The following C14orf39 variants were observed in gnomAD, a reference collection of about 807,000 sequenced individuals.
C14orf39 encodes the protein protein SIX6OS1.
In C14orf39, 66 loss-of-function variants were observed where a neutral mutation model predicts 85.6. The observed-to-expected ratio is 0.77, with a 90% CI of 0.63 to 0.95. C14orf39 has a LOEUF of 0.95. C14orf39 is among the 40% of genes least tolerant of loss of function. The probability of loss-of-function intolerance (pLI) is 0.00; values close to 1 mark genes in which losing one functional copy is unlikely to be tolerated. For missense variants in C14orf39, 735 were observed against 663.9 expected (o/e 1.11, Z -1.18); for synonymous variants, 242 against 214.0 (o/e 1.13, Z -1.14).
chr14:60,457,506 C>A (rs965553067), intron 14 of C14orf39, among the ~76,000 whole-genome samples: 6 of 151,948 alleles, frequency 3.9e-5, no homozygotes, highest in Admixed American at 1.3e-4. Context: ...TGATTAATTA[C>A]ATTTTCACAC....
At position 60,469,532 on chromosome 14, in the gene C14orf39, C is replaced by A; in HGVS notation, c.675+1G>T. On this transcript the variant is annotated splice_donor_variant, in intron 8 of 17. Transcript: ENST00000321731. LOFTEE classifies it high-confidence loss of function. ...TTAGAAATATATAACAAAATATATA[C>A]CTGGTTTAAATAATTAATTTCTATT... 3.1e-6 allele frequency: 4 copies of A among 1,303,136 alleles called. No individual in the cohort carries two copies. In the South Asian group the frequency reaches 6.3e-5, roughly 20 times the overall value. The allele number at this position is 1,303,136 out of a possible 1,614,324, so 80.7% of individuals were successfully genotyped here.
At chr14:60,453,719 A>G (rs1891139849) in intron 16 of C14orf39, among the ~76,000 whole-genome samples, 1 of 151,676 alleles carries the variant, frequency 6.6e-6, no homozygotes, top group Admixed American at 6.6e-5. Context: ...GTTCTTGACC[A>G]CTTTCCCCCA....
intron 1 of C14orf39, chr14:60,512,420 T>C (rs1430363263): frequency 6.6e-6 from 1 of 152,188 alleles, no homozygotes; most frequent in Non-Finnish European, 1.5e-5. Context: ...CAAAAGATGA[T>C]AGAAGAGGTT....
At chr14:60,469,512 A>G in intron 8 of C14orf39, 21 bp downstream of exon 8, 1 of 1,124,054 alleles carries the variant, frequency 8.9e-7, no homozygotes, top group Non-Finnish European at 1.2e-6. Context: ...ACATATTAGA[A>G]ATATATAACA....
At chr14:60,466,174 A>G in intron 10 of C14orf39, 119 bp from the exon 11 acceptor site, 1 of 445,304 alleles carries the variant, frequency 2.2e-6, no homozygotes, top group Non-Finnish European at 3.9e-6. Context: ...TTTTAATTTA[A>G]ATTAAAATAC....
chr14:60,483,520 T>C lies in C14orf39; in HGVS notation c.233+171A>G, dbSNP rs111340686. On this transcript the variant is annotated intron_variant, in intron 4 of 17. Coordinates refer to ENST00000321731, the MANE Select transcript of C14orf39 (RefSeq NM_174978.3). ...GAGCTCTTATAGCTGTTTAGTTCTA[T>C]TTCTCTTCTGATCCTCCTATAATCC... Among the ~76,000 whole-genome samples, 133 of 152,330 alleles carry C rather than the reference T, an allele frequency of 8.7e-4. 1 individual carries two copies. In the Middle Eastern group the frequency reaches 0.02, roughly 23 times the overall value.
chr14:60,473,478 C>T (rs140399719), intron 5 of C14orf39, among the ~76,000 whole-genome samples: 3,502 of 152,154 alleles, frequency 0.023, 83 homozygotes, highest in East Asian at 0.09. Context: ...AAGTCCTTGC[C>T]CAGCCTATGA....
intron 1 of C14orf39, chr14:60,509,846 G>C: frequency 3.7e-6 from 6 of 1,613,930 alleles, no homozygotes; most frequent in Non-Finnish European, 5.1e-6. Context: ...GTACCTGCAG[G>C]ATCCATACCC....
intron 11 of C14orf39, among the ~76,000 whole-genome samples, chr14:60,462,808 C>T (rs937465103): frequency 6.6e-6 from 1 of 151,948 alleles, no homozygotes; most frequent in Admixed American, 6.6e-5. Flanking sequence ...TATTTATTAG[C>T]TCATCAGCTA....
chr14:60,480,203 C>A (rs535625128), intron 4 of C14orf39, among the ~76,000 whole-genome samples: 5 of 152,252 alleles, frequency 3.3e-5, no homozygotes, highest in African/African-American at 9.6e-5. Flanking sequence ...AGGCATATCA[C>A]CTGAGGTCAG....
At chr14:60,470,055 T>C (rs1172439860) in intron 7 of C14orf39, among the ~76,000 whole-genome samples, 1 of 149,588 alleles carries the variant, frequency 6.7e-6, no homozygotes, top group Non-Finnish European at 1.5e-5. Context: ...TCAAAGACAA[T>C]ATTTAAAGTA....
chr14:60,468,234 T>A (rs1891891008), intron 9 of C14orf39, among the ~76,000 whole-genome samples: 1 of 151,762 alleles, frequency 6.6e-6, no homozygotes, highest in Admixed American at 6.6e-5. Flanking sequence ...CTTTACACAT[T>A]ATCCTCAGCC....
chr14:60,496,276 C>A, intron 2 of C14orf39: 1 of 379,258 alleles, frequency 2.6e-6, no homozygotes, highest in East Asian at 6.6e-5. Context: ...CTCAAGGACC[C>A]ACTGGATACT....
intron 4 of C14orf39, 24 bp downstream of exon 4, chr14:60,483,667 A>T: frequency 1.3e-6 from 2 of 1,565,048 alleles, no homozygotes; most frequent in South Asian, 2.4e-5. Context: ...AATGCAATGA[A>T]AATTGATTCT....
rs35428582 is a variant in C14orf39, at chr14:60,436,910, G to A, written c.1699C>T (p.Pro567Ser). 504 of 1,612,156 alleles carry A rather than the reference G, an allele frequency of 3.1e-4. 1 individual carries two copies. The African/African-American group carries it at 4.3e-3, about 14-fold the overall frequency. Residue 567 changes from proline (P) to serine (S), a missense_variant, in exon 18 of 18, where the codon CCT becomes TCT. Physicochemically the swap from Pro to Ser is moderately conservative, Grantham distance 74. Transcript: ENST00000321731. The stretch of plus-strand genomic sequence containing the variant: ...GAAAAACCTTTTAAAGAAGAAGAAG[G>A]TATTGAATTTTGACCCTGTCCAAAT... ...FSFGQGQNSI[P>S]SSSLKGFSSS...
intron 2 of C14orf39, chr14:60,496,376 G>A (rs980633548): frequency 4.4e-5 from 15 of 339,134 alleles, no homozygotes; most frequent in Non-Finnish European, 8.2e-5. Context: ...TTTCCCTTTG[G>A]GTAAATAGCT....
At chr14:60,499,443 A>T (rs890198483) in intron 1 of C14orf39, 33 of 152,358 alleles carry the variant, frequency 2.2e-4, no homozygotes, top group African/African-American at 5.3e-4. Context: ...GTGGAAAAAG[A>T]ATAGATCAAT....
chr14:60,454,162 T>G (rs1264856572), intron 16 of C14orf39, among the ~76,000 whole-genome samples: 1 of 151,848 alleles, frequency 6.6e-6, no homozygotes, highest in Non-Finnish European at 1.5e-5. Context: ...TACTATATCA[T>G]CCATCAATAA....
chr14:60,447,799 CAA>C (rs1890843158), intron 16 of C14orf39, among the ~76,000 whole-genome samples: 1 of 152,166 alleles, frequency 6.6e-6, no homozygotes, highest in Non-Finnish European at 1.5e-5. Flanking sequence ...AACTATACTA[CAA>C]GTCTATAGTA....
Sources: allele counts gnomAD v4.1 joint callset (sites outside exome capture counted in the v4.1 genomes callset), GRCh38; gene constraint gnomAD v4.1.1; transcripts MANE v1.5; gene names NCBI Gene and HGNC (gene_info 2026-07-23, HGNC 2026-07-21).